Variants in KCNK10 observed in about 807,000 individuals in gnomAD.
KCNK10 encodes the protein potassium channel subfamily K member 10.
KCNK10 carries 25 observed loss-of-function variants against 47.7 expected under a neutral mutation model. That is an observed-to-expected ratio of 0.52 (90% CI 0.38 to 0.73). KCNK10 has a LOEUF of 0.73. Ranked by LOEUF, KCNK10 falls within the 30% of genes least tolerant of loss-of-function variation. The pLI is 0.00. For synonymous variants in KCNK10, 303 were observed against 285.6 expected (o/e 1.06, Z -0.61); for missense variants, 563 against 714.5 (o/e 0.79, Z 2.42).
At chr14:88,314,235 C>A (rs12589067) in intron 1 of KCNK10, among the ~76,000 whole-genome samples, 1 of 152,018 alleles carries the variant, frequency 6.6e-6, no homozygotes, top group Non-Finnish European at 1.5e-5. Context: ...GGGCATGGAG[C>A]CTTCATGATT....
intron 1 of KCNK10, among the ~76,000 whole-genome samples, chr14:88,281,146 G>A (rs547036429): frequency 6.6e-6 from 1 of 152,216 alleles, no homozygotes; most frequent in African/African-American, 2.4e-5. Flanking sequence ...TTTCCATTCA[G>A]TTTCCACTCG....
At chr14:88,265,539 C>T (rs1156848278) in intron 1 of KCNK10, among the ~76,000 whole-genome samples, 3 of 152,160 alleles carry the variant, frequency 2.0e-5, no homozygotes, top group Non-Finnish European at 4.4e-5. Context: ...CAGAACCATA[C>T]AATAATAAAT....
At chr14:88,235,003 A>G (rs776374169) in intron 3 of KCNK10, 29 of 430,336 alleles carry the variant, frequency 6.7e-5, no homozygotes, top group Non-Finnish European at 1.2e-4. Context: ...CTCACTCTGA[A>G]CTTCAAAAGA....
upstream of KCNK10, chr14:88,326,676 G>T (rs1039154546): frequency 1.6e-5 from 9 of 572,426 alleles, no homozygotes; most frequent in Admixed American, 3.3e-5. Context: ...CGGTGGCAAA[G>T]CGCTGCTACC....
chr14:88,223,879 C>T (rs773580126), intron 4 of KCNK10, among the ~76,000 whole-genome samples: 13 of 151,930 alleles, frequency 8.6e-5, no homozygotes, highest in South Asian at 2.1e-4. Context: ...TCTGTACACC[C>T]GGCTTAAAAA....
rs775380568 is a variant in KCNK10, at chr14:88,185,733, G to C, written c.1434C>G (p.Tyr478Ter). The C allele has an allele frequency of 6.2e-7, 1 of 1,614,142 alleles. No individual in the cohort carries two copies. Among genetic ancestry groups the C allele is most frequent in the South Asian group, 1.1e-5 (1 of 91,066 alleles). ...CCAGGGAGTAATTCCGGAAGGTCTT[G>C]TAGATTTTCTGAACGTCCTCGGGCA... ...KTLPEDVQKI[Y>*]KTFRNYSLDE... Residue 478 changes from tyrosine to a stop codon, truncating the protein, a stop_gained, in exon 7 of 7, where the codon TAC becomes TAG. Transcript: ENST00000319231. LOFTEE classifies it high-confidence loss of function. This position sits in a 1 kb window ranked among gnomAD's most constrained non-coding sequence, Gnocchi z 4.3.
chr14:88,186,003 G>A lies in KCNK10; in HGVS notation c.1164C>T (p.Asp388=). ...RSMERRRLGL[D]QRAHSLDMLS... ...GCATGTCCAGTGAGTGGGCCCGCTG[G>A]TCCAGGCCCAGCCGCCGGCGCTCCA... Residue 388 remains aspartate, a synonymous_variant, in exon 7 of 7, where the codon GAC becomes GAT. Coordinates refer to ENST00000319231, the MANE Select transcript of KCNK10 (RefSeq NM_138317.3). This position sits in a 1 kb window ranked among gnomAD's most constrained non-coding sequence, Gnocchi z 5.5. 1.9e-6 allele frequency: 3 copies of A among 1,613,562 alleles called. No homozygotes were observed. The highest frequency in any genetic ancestry group is 1.7e-6 in the Non-Finnish European group (2 of 1,179,956).
chr14:88,324,498 G>T (rs1347563521), upstream of KCNK10, among the ~76,000 whole-genome samples: 4 of 152,148 alleles, frequency 2.6e-5, no homozygotes, highest in African/African-American at 7.2e-5. Context: ...TCCAGATAAG[G>T]TTACTAAAAT....
intron 4 of KCNK10, among the ~76,000 whole-genome samples, chr14:88,224,876 C>T (rs1885934260): frequency 6.6e-6 from 1 of 152,182 alleles, no homozygotes; most frequent in African/African-American, 2.4e-5. Flanking sequence ...TCCCAAACTG[C>T]TAGGATTACA....
intron 4 of KCNK10, among the ~76,000 whole-genome samples, chr14:88,199,744 G>A (rs1885039146): frequency 6.6e-6 from 1 of 152,194 alleles, no homozygotes; most frequent in African/African-American, 2.4e-5. Context: ...ACTCCCATGA[G>A]TAGCCCAGAG....
In KCNK10 at chr14:88,244,608, C is replaced by T. The variant is rs369424079; in HGVS notation, c.403-3788G>A. On this transcript the variant is annotated intron_variant, in intron 2 of 6. Transcript: ENST00000319231. ...GCGTGAACCTGGGAGGTGGAGCTTG[C>T]AGTGAGCCGAGATCGCGCTACTGCA... Among the ~76,000 whole-genome samples the T allele has an allele frequency of 1.8e-3, 276 of 151,936 alleles. 1 individual carries two copies. Among genetic ancestry groups the T allele is most frequent in the African/African-American group, 6.4e-3 (266 of 41,436 alleles).
intron 1 of KCNK10, among the ~76,000 whole-genome samples, chr14:88,276,177 C>T (rs1298632): frequency 0.94 from 142,880 of 151,478 alleles, 67,986 homozygotes; most frequent in East Asian, 1. Flanking sequence ...CTCAATGTGA[C>T]GGGATTAGGA....
chr14:88,304,295 AC>A (rs1471523893), intron 1 of KCNK10, among the ~76,000 whole-genome samples: 1 of 152,118 alleles, frequency 6.6e-6, no homozygotes, highest in Non-Finnish European at 1.5e-5. Flanking sequence ...AGCCTGGGTG[AC>A]AGAGCAAGAC....
chr14:88,273,552 C>T (rs919752780), intron 1 of KCNK10, among the ~76,000 whole-genome samples: 14 of 152,160 alleles, frequency 9.2e-5, no homozygotes, highest in Non-Finnish European at 2.1e-4. Flanking sequence ...GCACAAATTG[C>T]CCAGGACCAG....
intron 1 of KCNK10, among the ~76,000 whole-genome samples, chr14:88,272,762 C>T (rs1005451496): frequency 6.6e-6 from 1 of 151,908 alleles, no homozygotes; most frequent in African/African-American, 2.4e-5. Context: ...AGTGAGAGAT[C>T]GTCTGTGGGG....
chr14:88,201,513 A>T (rs1885101254), intron 4 of KCNK10, among the ~76,000 whole-genome samples: 1 of 152,088 alleles, frequency 6.6e-6, no homozygotes, highest in South Asian at 2.1e-4. Context: ...CACAAAAATC[A>T]GCCAGGTGTG....
At chr14:88,264,769 AT>A (rs1198036410) in intron 1 of KCNK10, among the ~76,000 whole-genome samples, 1 of 152,170 alleles carries the variant, frequency 6.6e-6, no homozygotes, top group Non-Finnish European at 1.5e-5. Context: ...CAAACGCAAA[AT>A]TGCCTGGAAT....
At chr14:88,229,263 C>A (rs1191382539) in intron 3 of KCNK10, among the ~76,000 whole-genome samples, 4 of 152,060 alleles carry the variant, frequency 2.6e-5, no homozygotes, top group Admixed American at 1.3e-4. Flanking sequence ...CAGAGATGAC[C>A]ACCCCCACCC....
intron 1 of KCNK10, among the ~76,000 whole-genome samples, chr14:88,276,438 T>C (rs1887529382): frequency 6.6e-6 from 1 of 152,094 alleles, no homozygotes; most frequent in Admixed American, 6.5e-5. Context: ...ACTCAGTCTA[T>C]GGTATTTCAT....
Sources: gnomAD v4.1 joint callset for allele counts (sites outside exome capture counted in the v4.1 genomes callset) on GRCh38, gnomAD v4.1.1 for gene constraint, Gnocchi (gnomAD v3.1) non-coding constraint, MANE v1.5 for transcripts, NCBI Gene and HGNC (gene_info 2026-07-23, HGNC 2026-07-21) for gene names.